TPST1: variants seen among roughly 807,000 people sequenced by gnomAD.
TPST1 encodes the protein tyrosylprotein sulfotransferase 1.
Under a neutral mutation model 34.8 loss-of-function variants are expected in TPST1, and 20 were observed. That is an observed-to-expected ratio of 0.57 (90% CI 0.40 to 0.84). TPST1 has a LOEUF of 0.84. TPST1 is among the 40% of genes least tolerant of loss of function. The probability of loss-of-function intolerance (pLI) is 0.00; values close to 1 mark genes in which losing one functional copy is unlikely to be tolerated. For missense variants in TPST1, 353 were observed against 455.5 expected (o/e 0.78, Z 2.05); for synonymous variants, 152 against 159.4 (o/e 0.95, Z 0.35).
intron 2 of TPST1, among the ~76,000 whole-genome samples, chr7:66,270,313 C>T (rs1239806187): frequency 6.6e-6 from 1 of 152,154 alleles, no homozygotes; most frequent in Non-Finnish European, 1.5e-5. Context: ...TTAAAAATTA[C>T]CTTAATGAAT....
chr7:66,296,676 G>GTTTTTTTTTTTTTTTTT (rs55888171), intron 3 of TPST1, among the ~76,000 whole-genome samples: 3 of 92,138 alleles, frequency 3.3e-5, no homozygotes, highest in African/African-American at 4.4e-5. Flanking sequence ...TACTGGGTTG[G>GTTTTTTTTTTTTTTTTT]TTTTTTTTTT....
At chr7:66,211,741 G>A (rs1484337365) in intron 1 of TPST1, among the ~76,000 whole-genome samples, 1 of 152,220 alleles carries the variant, frequency 6.6e-6, no homozygotes, top group African/African-American at 2.4e-5. Flanking sequence ...GCCAAGGCAG[G>A]GGGATCACGG....
Position 66,240,521 on chromosome 7 carries a change from T to C in TPST1, c.96T>C (p.His32=). ...FYLGQHAMEC[H]HRIEERSQPV... is the part of the protein sequence containing the mutation. The stretch of plus-strand genomic sequence containing the variant: ...TGGGCCAGCATGCCATGGAATGCCA[T>C]CACCGGATAGAGGAACGTAGCCAGC... The change falls in exon 2 of 6, where the codon CAT becomes CAC. Residue 32 remains histidine (H), a synonymous_variant. Transcript: ENST00000304842. 1 of 1,614,180 alleles carries C rather than the reference T, an allele frequency of 6.2e-7. No individual in the cohort carries two copies.
chr7:66,298,893 G>A (rs1488465429), intron 3 of TPST1, among the ~76,000 whole-genome samples: 2 of 152,080 alleles, frequency 1.3e-5, no homozygotes, highest in African/African-American at 4.8e-5. Context: ...GGAGGCTGAG[G>A]CAGGTGGATC....
At chr7:66,350,726 A>G (rs1267863155) in intron 3 of TPST1, among the ~76,000 whole-genome samples, 1 of 152,182 alleles carries the variant, frequency 6.6e-6, no homozygotes, top group Non-Finnish European at 1.5e-5. Context: ...TGTCCTTCCA[A>G]TAACTTTCCT....
chr7:66,286,652 T>C lies in TPST1; in HGVS notation c.987T>C (p.Tyr329=). Residue 329 remains tyrosine, a synonymous_variant, in exon 3 of 6, where the codon TAT becomes TAC. Coordinates refer to ENST00000304842, the MANE Select transcript of TPST1 (RefSeq NM_003596.4). The part of the protein sequence containing the change: ...PMLAKLGYDP[Y]ANPPNYGKPD... ...TTGCCAAGCTTGGATATGACCCATA[T>C]GCCAACCCACCTAACTACGGAAAAC... The C allele has an allele frequency of 6.2e-7, 1 of 1,601,096 alleles. No homozygotes were observed. The highest frequency in any genetic ancestry group is 8.5e-7 in the Non-Finnish European group (1 of 1,172,780).
intron 2 of TPST1, among the ~76,000 whole-genome samples, chr7:66,266,082 G>A (rs1434479354): frequency 1.3e-5 from 2 of 152,122 alleles, no homozygotes; most frequent in Non-Finnish European, 2.9e-5. Context: ...TAACTACATC[G>A]GTTAACTTAG....
intron 2 of TPST1, among the ~76,000 whole-genome samples, chr7:66,246,804 C>T (rs1289052197): frequency 2.0e-5 from 3 of 152,212 alleles, no homozygotes; most frequent in Non-Finnish European, 2.9e-5. Flanking sequence ...CTAAGCAGCA[C>T]AGCAGGGGTG....
intron 2 of TPST1, among the ~76,000 whole-genome samples, chr7:66,281,862 T>C (rs1584204639): frequency 1.3e-5 from 2 of 152,342 alleles, no homozygotes; most frequent in Middle Eastern, 3.4e-3. Context: ...TTAAAATGAA[T>C]GTCGTGGAGA....
intron 3 of TPST1, among the ~76,000 whole-genome samples, chr7:66,328,553 G>A (rs988353935): frequency 4.7e-5 from 7 of 150,514 alleles, no homozygotes; most frequent in African/African-American, 1.7e-4. Context: ...GTTTTTTTTT[G>A]TTGTTTTTTT....
At chr7:66,269,735 G>T (rs964685696) in intron 2 of TPST1, among the ~76,000 whole-genome samples, 1 of 152,204 alleles carries the variant, frequency 6.6e-6, no homozygotes, top group Non-Finnish European at 1.5e-5. Context: ...TAGTTTGTCA[G>T]ATGGTAATAA....
chr7:66,356,609 C>G (rs930210722), intron 4 of TPST1, among the ~76,000 whole-genome samples: 12 of 152,280 alleles, frequency 7.9e-5, no homozygotes, highest in African/African-American at 2.9e-4. Context: ...AACAAAGACA[C>G]TCTTGTTACC....
chr7:66,253,831 A>T (rs777153894), intron 2 of TPST1, among the ~76,000 whole-genome samples: 2 of 151,626 alleles, frequency 1.3e-5, no homozygotes, highest in African/African-American at 2.4e-5. Flanking sequence ...TGAGGTAAGG[A>T]GTTATACCCC....
chr7:66,228,276 C>T (rs1274877690), intron 1 of TPST1, among the ~76,000 whole-genome samples: 1 of 152,042 alleles, frequency 6.6e-6, no homozygotes, highest in Non-Finnish European at 1.5e-5. Flanking sequence ...AGGTAGTTAC[C>T]TTGTTTTCCT....
chr7:66,271,885 C>A (rs73144226), intron 2 of TPST1, among the ~76,000 whole-genome samples: 1 of 151,582 alleles, frequency 6.6e-6, no homozygotes, highest in Non-Finnish European at 1.5e-5. Context: ...AAAGAGAATA[C>A]GCAACAGATT....
chr7:66,342,772 C>T (rs1281716965), intron 3 of TPST1, among the ~76,000 whole-genome samples: 1 of 151,998 alleles, frequency 6.6e-6, no homozygotes, highest in African/African-American at 2.4e-5. Flanking sequence ...CCAGGTCTTG[C>T]GTGAACTATA....
Position 66,328,900 on chromosome 7 carries a change from ATATATATTTTT to A in TPST1, c.1045-23603_1045-23593del, listed in dbSNP as rs1414328755. Among the ~76,000 whole-genome samples, 45 of 45,130 alleles carry A rather than the reference ATATATATTTTT, an allele frequency of 1.0e-3. 1 individual carries two copies. In the East Asian group the frequency reaches 0.015, roughly 15 times the overall value. The allele number at this position is 45,130 out of a possible 152,430, so 29.6% of individuals were successfully genotyped here. A position where few individuals can be genotyped will look rare whatever the true frequency, so the allele number is the denominator to read the frequency against. Reference sequence around the variant, plus strand: ...TCTCTCTCTCTCTATATATATATATATATATATTTTTTTTTTTTTTTTTTTTTTTGAGACAG... The same window carrying A: ...TCTCTCTCTCTCTATATATATATATATTTTTTTTTTTTTTTTTTGAGACAG... On this transcript the variant is annotated intron_variant, in intron 3 of 5. Coordinates refer to ENST00000304842, the MANE Select transcript of TPST1 (RefSeq NM_003596.4).
intron 1 of TPST1, among the ~76,000 whole-genome samples, chr7:66,235,162 A>G (rs1350030104): frequency 1.3e-5 from 2 of 149,996 alleles, no homozygotes; most frequent in African/African-American, 4.9e-5. Flanking sequence ...TTTTAACATA[A>G]TGGATGCAAT....
At chr7:66,271,774 A>G (rs965350823) in intron 2 of TPST1, among the ~76,000 whole-genome samples, 3 of 151,816 alleles carry the variant, frequency 2.0e-5, no homozygotes, top group Non-Finnish European at 2.9e-5. Flanking sequence ...ATCCATATCC[A>G]TATCGTATAT....
Sources: allele counts gnomAD v4.1 joint callset (sites outside exome capture counted in the v4.1 genomes callset), GRCh38; gene constraint gnomAD v4.1.1; transcripts MANE v1.5; gene names NCBI Gene and HGNC (gene_info 2026-07-23, HGNC 2026-07-21).